NRG1: variants seen among roughly 807,000 people sequenced by gnomAD.
The protein encoded by NRG1 is pro-neuregulin-1, membrane-bound isoform.
A neutral mutation model predicts 63.8 loss-of-function variants in NRG1; 18 were observed. The observed-to-expected ratio is 0.28, with a 90% confidence interval of 0.19 to 0.42. The LOEUF is 0.42. Among genes scored for constraint, NRG1 ranks in the 10% least tolerant of loss-of-function variants. The probability of loss-of-function intolerance (pLI) is 1.00; values close to 1 mark genes in which losing one functional copy is unlikely to be tolerated. For synonymous variants in NRG1, 302 were observed against 301.3 expected, an observed-to-expected ratio of 1.00 and a Z score of -0.02; for missense variants, 762 against 814.7, an observed-to-expected ratio of 0.94 and a Z score of 0.79.
intron 1 of NRG1, among the ~76,000 whole-genome samples, chr8:32,367,411 T>C (rs1477000580): frequency 6.6e-6 from 1 of 152,160 alleles, no homozygotes; most frequent in East Asian, 1.9e-4. Flanking sequence ...TTGAACTTTT[T>C]TTTTTTTCAG....
At chr8:32,399,948 T>C (rs1361764032) in intron 1 of NRG1, among the ~76,000 whole-genome samples, 1 of 152,176 alleles carries the variant, frequency 6.6e-6, no homozygotes, top group Non-Finnish European at 1.5e-5. Flanking sequence ...CAGACTTTGT[T>C]TTGCAGGAAG....
intron 1 of NRG1, among the ~76,000 whole-genome samples, chr8:31,984,864 T>G (rs551035902): frequency 6.6e-6 from 1 of 152,132 alleles, no homozygotes; most frequent in Non-Finnish European, 1.5e-5. Flanking sequence ...ATTTTGAATC[T>G]TTGCAGCTCT....
At chr8:32,743,373 G>A (rs1269715828) in intron 7 of NRG1, 1 of 217,908 alleles carries the variant, frequency 4.6e-6, no homozygotes, top group Non-Finnish European at 7.8e-6. Context: ...AAGTAATTCA[G>A]GCACTAGTTT....
chr8:31,647,349 G>A (rs2130860096), intron 1 of NRG1, among the ~76,000 whole-genome samples: 1 of 152,322 alleles, frequency 6.6e-6, no homozygotes. Context: ...TGCAGGTGGG[G>A]TGGCATGTGC....
intron 1 of NRG1, among the ~76,000 whole-genome samples, chr8:32,552,016 T>G (rs539875748): frequency 2.6e-5 from 4 of 151,026 alleles, no homozygotes; most frequent in African/African-American, 9.7e-5. Context: ...GTTCAAGTGA[T>G]TCCCCTGCCT....
chr8:31,940,294 AATGATC>A (rs1342487650), intron 1 of NRG1, among the ~76,000 whole-genome samples: 1 of 152,160 alleles, frequency 6.6e-6, no homozygotes, highest in Non-Finnish European at 1.5e-5. Context: ...CTTGCTCCTG[AATGATC>A]ATTGAGTCAA....
chr8:31,794,580 C>T (rs540691688), intron 1 of NRG1, among the ~76,000 whole-genome samples: 65 of 151,632 alleles, frequency 4.3e-4, no homozygotes, highest in African/African-American at 1.4e-3. Context: ...TGAATGTCTC[C>T]TATTTGTCAA....
chr8:32,658,390 G>A lies in NRG1; in HGVS notation c.502+41505G>A, dbSNP rs116695652. On this transcript the variant is annotated intron_variant, in intron 5 of 11. Coordinates refer to ENST00000356819, the Ensembl canonical transcript of NRG1. The stretch of plus-strand genomic sequence containing the variant: ...TTATTGAATATAGGATCTTCACAAT[G>A]TTGAATACTGTGATGTCTTTAGGAC... Among the ~76,000 whole-genome samples, 952 of 152,290 alleles carry A rather than the reference G, an allele frequency of 6.3e-3. 12 individuals carry two copies. The highest frequency in any genetic ancestry group is 0.021 in the African/African-American group (880 of 41,564).
chr8:32,694,312 G>A (rs1018060394), intron 5 of NRG1, among the ~76,000 whole-genome samples: 6 of 152,080 alleles, frequency 3.9e-5, no homozygotes, highest in Non-Finnish European at 8.8e-5. Context: ...TCTTATGACT[G>A]TTTCTTTTTT....
intron 1 of NRG1, among the ~76,000 whole-genome samples, chr8:32,457,419 G>A (rs1821739223): frequency 6.6e-6 from 1 of 152,050 alleles, no homozygotes; most frequent in Admixed American, 6.6e-5. Context: ...TCCTGTTTTT[G>A]CATTCTTGTA....
chr8:31,662,625 A>G (rs998057544), intron 1 of NRG1, among the ~76,000 whole-genome samples: 3 of 152,194 alleles, frequency 2.0e-5, no homozygotes, highest in Non-Finnish European at 4.4e-5. Flanking sequence ...TAAATAAGTC[A>G]AGGTCGTCAC....
intron 11 of NRG1, 107 bp downstream of exon 11, chr8:32,760,513 C>T (rs868177571): frequency 4.5e-6 from 7 of 1,540,436 alleles, no homozygotes; most frequent in South Asian, 3.7e-5. Context: ...GAATAAGGGG[C>T]GGCAGTTACC....
intron 1 of NRG1, among the ~76,000 whole-genome samples, chr8:32,023,857 C>T (rs1586550070): frequency 6.6e-6 from 1 of 152,054 alleles, no homozygotes; most frequent in African/African-American, 2.4e-5. Context: ...CCTAAAAGAA[C>T]ATGAGCTGTG....
rs565219897 is a variant in NRG1 at position 31,652,503 on chromosome 8, G to A, written c.37+13072G>A. ...TTTGGCTTTTGTCCCAAGTGTTCTT[G>A]TCCAGTTCTTTCTCCTATCCAGAAC... On this transcript the variant is annotated intron_variant, in intron 1 of 10. Coordinates refer to the NRG1 transcript ENST00000519301. Among the ~76,000 whole-genome samples the A allele has an allele frequency of 2.0e-3, 298 of 152,296 alleles. 3 individuals carry two copies. Among genetic ancestry groups the A allele is most frequent in the African/African-American group, 6.9e-3 (288 of 41,556 alleles).
chr8:32,239,834 A>G (rs990418960), intron 1 of NRG1, among the ~76,000 whole-genome samples: 4 of 152,186 alleles, frequency 2.6e-5, no homozygotes, highest in Non-Finnish European at 4.4e-5. Flanking sequence ...GCCATTAGGA[A>G]TATGCAAATT....
At chr8:32,074,700 C>T (rs1014222436) in intron 1 of NRG1, among the ~76,000 whole-genome samples, 5 of 152,114 alleles carry the variant, frequency 3.3e-5, no homozygotes, top group Non-Finnish European at 5.9e-5. Context: ...ATTTCATTTT[C>T]AGTCAGTGTC....
At position 32,519,685 on chromosome 8, in the gene NRG1, G is replaced by A. The variant is rs536532496; in HGVS notation, c.38-76143G>A. Among the ~76,000 whole-genome samples, 3 of 152,150 alleles carry A rather than the reference G, an allele frequency of 2.0e-5. No individual in the cohort carries two copies. In the South Asian group the frequency reaches 6.2e-4, roughly 32 times the overall value. On this transcript the variant is annotated intron_variant, in intron 1 of 10. Coordinates refer to the NRG1 transcript ENST00000519301. Reference sequence around the variant, plus strand: ...TCTGGTGCTATGAAGGTCACCCAGCGTACTCTTTTAGATAATACAGGAGAT... The same window carrying A: ...TCTGGTGCTATGAAGGTCACCCAGCATACTCTTTTAGATAATACAGGAGAT...
intron 1 of NRG1, among the ~76,000 whole-genome samples, chr8:31,850,131 T>G (rs1240266636): frequency 1.3e-5 from 2 of 152,098 alleles, no homozygotes; most frequent in Admixed American, 6.5e-5. Context: ...TTACTACTTG[T>G]AACAAATAAG....
chr8:32,311,254 T>G (rs1856776227), intron 1 of NRG1, among the ~76,000 whole-genome samples: 1 of 152,192 alleles, frequency 6.6e-6, no homozygotes, highest in Non-Finnish European at 1.5e-5. Context: ...TACAGGAGTA[T>G]GCATTCTGGC....
Sources: gnomAD v4.1 joint callset for allele counts (sites outside exome capture counted in the v4.1 genomes callset) on GRCh38, gnomAD v4.1.1 for gene constraint, MANE v1.5 for transcripts, NCBI Gene and HGNC (gene_info 2026-07-23, HGNC 2026-07-21) for gene names.